The following MACROD2 variants were observed in gnomAD, a reference collection of about 807,000 sequenced individuals.
The protein encoded by MACROD2 is mono-ADP ribosylhydrolase 2.
MACROD2 carries 36 observed loss-of-function variants against 70.4 expected under a neutral mutation model. The ratio of observed to expected loss-of-function variants is 0.51; its 90% CI spans 0.39 to 0.68. The LOEUF (loss-of-function observed/expected upper bound fraction) is 0.68, where lower values mean the gene tolerates loss of function less well. MACROD2 is among the 30% of genes least tolerant of loss of function. MACROD2 has a pLI of 0.00. For missense variants in MACROD2, 496 were observed against 538.4 expected, an observed-to-expected ratio of 0.92 and a Z score of 0.78; for synonymous variants, 172 against 178.8, an observed-to-expected ratio of 0.96 and a Z score of 0.30.
intron 5 of MACROD2, among the ~76,000 whole-genome samples, chr20:14,920,476 AT>A (rs1211167967): frequency 6.6e-6 from 1 of 152,144 alleles, no homozygotes; most frequent in Non-Finnish European, 1.5e-5. Flanking sequence ...TGTATTGTTT[AT>A]TTTAATTTCG....
At chr20:15,512,737 C>T (rs535662616) in intron 8 of MACROD2, among the ~76,000 whole-genome samples, 9 of 152,316 alleles carry the variant, frequency 5.9e-5, no homozygotes, top group South Asian at 4.1e-4. Context: ...GTGCCACCCA[C>T]GGTGCTTCTA....
At chr20:14,133,231 A>G (rs1051100406) in intron 3 of MACROD2, among the ~76,000 whole-genome samples, 1 of 152,196 alleles carries the variant, frequency 6.6e-6, no homozygotes, top group Non-Finnish European at 1.5e-5. Context: ...AACCATCACA[A>G]TGACCTACCT....
At chr20:15,365,420 C>G in intron 6 of MACROD2, among the ~76,000 whole-genome samples, 1 of 152,034 alleles carries the variant, frequency 6.6e-6, no homozygotes, top group Admixed American at 6.6e-5. Flanking sequence ...AATCCCAGCC[C>G]TTTGGGAGGC....
At chr20:15,235,050 A>G (rs896905812) in intron 6 of MACROD2, among the ~76,000 whole-genome samples, 2 of 152,212 alleles carry the variant, frequency 1.3e-5, no homozygotes, top group African/African-American at 4.8e-5. Flanking sequence ...AGCACCAGTT[A>G]AAAGGCATAG....
intron 8 of MACROD2, among the ~76,000 whole-genome samples, chr20:15,776,411 A>G (rs1306205727): frequency 6.6e-6 from 1 of 152,156 alleles, no homozygotes; most frequent in Non-Finnish European, 1.5e-5. Flanking sequence ...CACCTGAAGG[A>G]CAAGGTTGAC....
intron 3 of MACROD2, among the ~76,000 whole-genome samples, chr20:14,424,441 C>T (rs572696492): frequency 6.6e-6 from 1 of 152,280 alleles, no homozygotes; most frequent in East Asian, 1.9e-4. Context: ...CTTCTTCTTT[C>T]TCTCCTCTGT....
At chr20:14,344,844 A>T (rs905445831) in intron 3 of MACROD2, among the ~76,000 whole-genome samples, 31 of 152,320 alleles carry the variant, frequency 2.0e-4, no homozygotes, top group African/African-American at 7.2e-4. Flanking sequence ...TCTCATGTGT[A>T]CATAGAAGCA....
intron 7 of MACROD2, among the ~76,000 whole-genome samples, chr20:15,441,980 G>A (rs557290499): frequency 2.4e-4 from 36 of 152,274 alleles, no homozygotes; most frequent in African/African-American, 1.9e-4. Flanking sequence ...TCCTTCTAAA[G>A]AACTGTTTTG....
Position 15,885,829 on chromosome 20 carries a change from T to C in MACROD2, c.775+18T>C. The C allele has an allele frequency of 6.7e-7, 1 of 1,501,082 alleles. No homozygotes were observed. The highest frequency in any genetic ancestry group is 1.4e-5 in the African/African-American group (1 of 69,548). The allele number at this position is 1,501,082 out of a possible 1,614,324, so 93.0% of individuals were successfully genotyped here. On this transcript the variant is annotated intron_variant, in intron 10 of 17. Transcript: ENST00000684519. ...AGATTCAGGTATTAAATTCATACTT[T>C]TATTATTAGGGGGTAGGTAGGGGTC... is the stretch of plus-strand genomic sequence containing the variant.
chr20:15,051,688 A>C (rs1443482138), intron 5 of MACROD2, among the ~76,000 whole-genome samples: 1 of 152,044 alleles, frequency 6.6e-6, no homozygotes, highest in Non-Finnish European at 1.5e-5. Context: ...GTTAGTGTTT[A>C]ATTGAATAAC....
chr20:15,335,234 A>T (rs1356389364), intron 6 of MACROD2, among the ~76,000 whole-genome samples: 3 of 151,762 alleles, frequency 2.0e-5, no homozygotes, highest in Non-Finnish European at 2.9e-5. Context: ...TAATTTCTAG[A>T]TAAATCTGCA....
intron 6 of MACROD2, among the ~76,000 whole-genome samples, chr20:15,265,160 G>C (rs1375649585): frequency 1.3e-5 from 2 of 152,138 alleles, no homozygotes; most frequent in East Asian, 1.9e-4. Context: ...CTAAGAAGTG[G>C]CTATTTGATC....
intron 5 of MACROD2, among the ~76,000 whole-genome samples, chr20:14,708,818 C>G (rs1189983500): frequency 4.6e-5 from 7 of 152,142 alleles, no homozygotes; most frequent in Non-Finnish European, 8.8e-5. Context: ...CGGTGTTTCA[C>G]TTTGTTGGCC....
chr20:14,618,438 C>G lies in MACROD2; in HGVS notation c.302-66405C>G, dbSNP rs576141146. On this transcript the variant is annotated intron_variant, in intron 4 of 17. Coordinates refer to ENST00000684519, the MANE Select transcript of MACROD2 (RefSeq NM_001351661.2). ...TCCTGTGTTAGAGATAATTATAGAA[C>G]AATGTCTCTTAGGATTGCTGTGAGG... 2.0e-5 allele frequency among the ~76,000 whole-genome samples: 3 copies of G among 152,210 alleles called. No individual in the cohort carries two copies. In the East Asian group the frequency reaches 5.8e-4, roughly 29 times the overall value.
chr20:15,520,390 C>T (rs749591245), intron 8 of MACROD2, among the ~76,000 whole-genome samples: 16 of 152,276 alleles, frequency 1.1e-4, no homozygotes, highest in South Asian at 2.1e-4. Flanking sequence ...CTTTCTGGAG[C>T]GAGTCAAAGT....
At chr20:14,380,703 T>TC (rs2083412792) in intron 3 of MACROD2, among the ~76,000 whole-genome samples, 1 of 152,132 alleles carries the variant, frequency 6.6e-6, no homozygotes, top group African/African-American at 2.4e-5. Context: ...CTTGCCAAAA[T>TC]CCCATTGACC....
At chr20:15,494,393 A>G (rs2047268143) in intron 7 of MACROD2, among the ~76,000 whole-genome samples, 1 of 152,120 alleles carries the variant, frequency 6.6e-6, no homozygotes, top group Non-Finnish European at 1.5e-5. Flanking sequence ...TGGCAGCTTT[A>G]TTCATATTAG....
chr20:15,098,467 C>G (rs1006554050), intron 5 of MACROD2, among the ~76,000 whole-genome samples: 1 of 152,154 alleles, frequency 6.6e-6, no homozygotes, highest in African/African-American at 2.4e-5. Flanking sequence ...GCTAAGTTCT[C>G]TGAAAGGCCT....
At chr20:15,207,413 T>TTTTG (rs528345804) in intron 5 of MACROD2, among the ~76,000 whole-genome samples, 11 of 151,384 alleles carry the variant, frequency 7.3e-5, no homozygotes, top group Non-Finnish European at 1.0e-4. Flanking sequence ...CCATTACTTC[T>TTTTG]TTTGTTTGTT....
Sources: gnomAD v4.1 joint callset for allele counts (sites outside exome capture counted in the v4.1 genomes callset) on GRCh38, gnomAD v4.1.1 for gene constraint, MANE v1.5 for transcripts, NCBI Gene and HGNC (gene_info 2026-07-23, HGNC 2026-07-21) for gene names.